The following GSE1 variants were observed in gnomAD, a reference collection of about 807,000 sequenced individuals.
The protein encoded by GSE1 is genetic suppressor element 1.
Under a neutral mutation model 112.6 loss-of-function variants are expected in GSE1, and 32 were observed. The observed-to-expected ratio is 0.28, with a 90% CI of 0.21 to 0.38. The LOEUF (loss-of-function observed/expected upper bound fraction) is 0.38, where lower values mean the gene tolerates loss of function less well. Among genes scored for constraint, GSE1 ranks in the 10% least tolerant of loss-of-function variants. The pLI is 1.00. For missense variants in GSE1, 2,348 were observed against 1,699.2 expected (o/e 1.38, Z -6.71); for synonymous variants, 1,115 against 735.6 (o/e 1.52, Z -8.35).
upstream of GSE1, chr16:85,554,932 G>A (rs1279677678): frequency 1.0e-6 from 1 of 985,242 alleles, no homozygotes. Flanking sequence ...TTCGGCAGCG[G>A]CACCCTCCCC....
intron 12 of GSE1, among the ~76,000 whole-genome samples, chr16:85,665,650 G>A (rs143402853): frequency 6.6e-5 from 10 of 152,296 alleles, no homozygotes; most frequent in Middle Eastern, 3.4e-3. Context: ...TTTACAGTGC[G>A]TCCCAGTCCT....
At chr16:85,427,394 C>T (rs898231684) in intron 2 of GSE1, among the ~76,000 whole-genome samples, 1 of 152,174 alleles carries the variant, frequency 6.6e-6, no homozygotes, top group Non-Finnish European at 1.5e-5. Context: ...ATAATCCCAG[C>T]ACTTTGGGAG....
intron 1 of GSE1, among the ~76,000 whole-genome samples, chr16:85,227,222 A>G (rs902139492): frequency 2.6e-5 from 4 of 152,208 alleles, no homozygotes; most frequent in Non-Finnish European, 4.4e-5. Flanking sequence ...AGCCCCTGCT[A>G]TCAGAGAGCT....
At chr16:85,667,313 G>C (rs2052947134) in intron 13 of GSE1, among the ~76,000 whole-genome samples, 1 of 151,338 alleles carries the variant, frequency 6.6e-6, no homozygotes, top group Non-Finnish European at 1.5e-5. Context: ...TTTGAGCCAA[G>C]TCACTCCATT....
At chr16:85,259,300 AC>A (rs1907419972) in intron 1 of GSE1, among the ~76,000 whole-genome samples, 1 of 149,550 alleles carries the variant, frequency 6.7e-6, no homozygotes, top group African/African-American at 2.5e-5. Flanking sequence ...CCTGTGCTCC[AC>A]CCTGGCCCAC....
intron 1 of GSE1, among the ~76,000 whole-genome samples, chr16:85,557,682 G>A (rs1487859817): frequency 6.6e-6 from 1 of 151,410 alleles, no homozygotes; most frequent in East Asian, 1.9e-4. Context: ...ACAGGACCCA[G>A]CTCCCTTGGA....
chr16:85,223,478 G>A lies in GSE1; in HGVS notation c.2283+51671G>A, dbSNP rs991229552. ...GTGGAGGCTGCAGTGAGCCAAGATCGTGCCACCGCACTCCAGCCTGGGCAA... is the reference window on the plus strand; with the variant it reads ...GTGGAGGCTGCAGTGAGCCAAGATCATGCCACCGCACTCCAGCCTGGGCAA... On this transcript the variant is annotated intron_variant, in intron 1 of 2. Transcript: ENST00000637419. 1.1e-4 allele frequency among the ~76,000 whole-genome samples: 16 copies of A among 150,966 alleles called. No individual in the cohort carries two copies. In the South Asian group the frequency reaches 1.7e-3, roughly 16 times the overall value.
chr16:85,411,526 C>T (rs374565843), intron 2 of GSE1, among the ~76,000 whole-genome samples: 57 of 24,474 alleles, frequency 2.3e-3, no homozygotes, highest in Admixed American at 3.7e-3. Flanking sequence ...TAATCCTCAC[C>T]GTTACACTCA....
At chr16:85,442,007 C>T (rs892637328) in intron 2 of GSE1, among the ~76,000 whole-genome samples, 1 of 152,252 alleles carries the variant, frequency 6.6e-6, no homozygotes, top group African/African-American at 2.4e-5. Flanking sequence ...CCAGCTTCAT[C>T]TCCACCTCCA....
At chr16:85,238,668 C>T (rs1904919086) in intron 1 of GSE1, among the ~76,000 whole-genome samples, 1 of 152,204 alleles carries the variant, frequency 6.6e-6, no homozygotes, top group African/African-American at 2.4e-5. Context: ...CTCCAGGCGG[C>T]TTGCCGCAGG....
chr16:85,456,136 C>T (rs894981176), intron 2 of GSE1, among the ~76,000 whole-genome samples: 2 of 152,212 alleles, frequency 1.3e-5, no homozygotes, highest in African/African-American at 4.8e-5. Context: ...TCACCCAGTC[C>T]TGGTTCAGAG....
At chr16:85,436,458 T>TG (rs2049248968) in intron 2 of GSE1, among the ~76,000 whole-genome samples, 1 of 152,232 alleles carries the variant, frequency 6.6e-6, no homozygotes, top group Non-Finnish European at 1.5e-5. Flanking sequence ...GCCCTCTCCC[T>TG]GGTTGATCTT....
At position 85,644,053 on chromosome 16, in the gene GSE1, C is replaced by T. The variant is rs146674266; in HGVS notation, c.227-4499C>T. On this transcript the variant is annotated intron_variant, in intron 2 of 15. Coordinates refer to ENST00000253458, the MANE Select transcript of GSE1 (RefSeq NM_014615.5). ...CCATGAAGTAGGGTGGTGGGGCAGG[C>T]ACCGTTACTCATGCCTGTAATCCCA... Among the ~76,000 whole-genome samples, 390 of 152,300 alleles carry T rather than the reference C, an allele frequency of 2.6e-3. 3 individuals carry two copies. The highest frequency in any genetic ancestry group is 9.0e-3 in the African/African-American group (375 of 41,544).
chr16:85,524,832 G>A (rs948915629), intron 2 of GSE1, among the ~76,000 whole-genome samples: 2 of 152,138 alleles, frequency 1.3e-5, no homozygotes, highest in Non-Finnish European at 2.9e-5. Context: ...TGAGGCAGCC[G>A]GTCCATGGTC....
chr16:85,355,165 G>A (rs1414265121), intron 1 of GSE1, among the ~76,000 whole-genome samples: 2 of 152,094 alleles, frequency 1.3e-5, no homozygotes, highest in African/African-American at 2.4e-5. Context: ...GCTTGCCCGA[G>A]GAATTCTGAA....
intron 2 of GSE1, among the ~76,000 whole-genome samples, chr16:85,510,622 T>C (rs1444982288): frequency 6.6e-6 from 1 of 152,190 alleles, no homozygotes; most frequent in Non-Finnish European, 1.5e-5. Context: ...CCCAGCCTTT[T>C]TAGGGAGGCT....
chr16:85,653,834 CGTCTT>C (rs2051657919), intron 3 of GSE1, among the ~76,000 whole-genome samples: 1 of 152,202 alleles, frequency 6.6e-6, no homozygotes, highest in South Asian at 2.1e-4. Flanking sequence ...GCGCAGTTGA[CGTCTT>C]GGCTACATCG....
chr16:85,184,260 C>G (rs1042572594), intron 1 of GSE1, among the ~76,000 whole-genome samples: 2 of 152,216 alleles, frequency 1.3e-5, no homozygotes, highest in Non-Finnish European at 2.9e-5. Flanking sequence ...TACCTTGTCT[C>G]AGAACCAATG....
At chr16:85,354,247 G>A (rs1179262024) in intron 1 of GSE1, among the ~76,000 whole-genome samples, 1 of 152,168 alleles carries the variant, frequency 6.6e-6, no homozygotes, top group Non-Finnish European at 1.5e-5. Context: ...CAGTTGCTTT[G>A]TAAGCTGTCT....
Sources: gnomAD v4.1 joint callset for allele counts (sites outside exome capture counted in the v4.1 genomes callset) on GRCh38, gnomAD v4.1.1 for gene constraint, MANE v1.5 for transcripts, NCBI Gene and HGNC (gene_info 2026-07-23, HGNC 2026-07-21) for gene names.